Variants in PLXNA4 observed in about 807,000 individuals in gnomAD.
PLXNA4 encodes plexin-A4.
Under a neutral mutation model 191.8 loss-of-function variants are expected in PLXNA4, and 44 were observed. The ratio of observed to expected loss-of-function variants is 0.23; its 90% CI spans 0.18 to 0.29. PLXNA4 has a LOEUF of 0.29. PLXNA4 is among the 10% of genes least tolerant of loss of function. The probability of loss-of-function intolerance (pLI) is 1.00; values close to 1 mark genes in which losing one functional copy is unlikely to be tolerated. For synonymous variants in PLXNA4, 1,082 were observed against 1,009.5 expected, an observed-to-expected ratio of 1.07 and a Z score of -1.36; for missense variants, 1,800 against 2,488.8, an observed-to-expected ratio of 0.72 and a Z score of 5.89.
chr7:132,435,391 C>G (rs1042141100), intron 3 of PLXNA4, among the ~76,000 whole-genome samples: 10 of 152,120 alleles, frequency 6.6e-5, no homozygotes, highest in African/African-American at 2.2e-4. Flanking sequence ...AGACTGCAGC[C>G]TGTTCTAATC....
intron 3 of PLXNA4, among the ~76,000 whole-genome samples, chr7:132,447,608 G>T (rs1434173694): frequency 1.3e-5 from 2 of 152,106 alleles, no homozygotes; most frequent in Non-Finnish European, 2.9e-5. Flanking sequence ...TCTAAAATGG[G>T]ACTTAATAAT....
rs1459622527 is a variant in PLXNA4, at chr7:132,124,972, A to ATACTT, written c.*5502_*5506dup. On this transcript the variant is annotated 3_prime_UTR_variant, in exon 32 of 32. Transcript: ENST00000321063. ...TTCTCTTACAACCAAAAAATTCTAT[A>ATACTT]TACTTTTAAAACTTGGATACTCCCT... is the stretch of plus-strand genomic sequence containing the variant. 6.6e-6 allele frequency: 1 copy of ATACTT among 150,956 alleles called. No homozygotes were observed. Among genetic ancestry groups the ATACTT allele is most frequent in the Non-Finnish European group, 1.5e-5 (1 of 67,910 alleles). The allele number at this position is 150,956 out of a possible 1,614,324, so 9.4% of individuals were successfully genotyped here.
intron 10 of PLXNA4, among the ~76,000 whole-genome samples, chr7:132,204,742 C>A (rs540026867): frequency 3.9e-5 from 6 of 152,204 alleles, no homozygotes; most frequent in Non-Finnish European, 8.8e-5. Context: ...TGCCTCTGGG[C>A]AGGGACAGGT....
In PLXNA4 at chr7:132,514,250, A is replaced by G. The variant is rs189580268; in HGVS notation, c.-86-5471T>C. ...GTATTTTTAGTAGAGACGGGGTTTC[A>G]CCATGTTAGCCAGGATGGTCTCGAT... On this transcript the variant is annotated intron_variant, in intron 1 of 31. Coordinates refer to ENST00000321063, the MANE Select transcript of PLXNA4 (RefSeq NM_020911.2). Among the ~76,000 whole-genome samples, 731 of 151,410 alleles carry G rather than the reference A, an allele frequency of 4.8e-3. 1 individual carries two copies. Among genetic ancestry groups the G allele is most frequent in the Admixed American group, 8.5e-3 (129 of 15,226 alleles).
chr7:132,340,658 C>T (rs751091491), intron 3 of PLXNA4, among the ~76,000 whole-genome samples: 1 of 152,162 alleles, frequency 6.6e-6, no homozygotes, highest in Non-Finnish European at 1.5e-5. Flanking sequence ...AATAAAGAAC[C>T]TCTCTCTGCA....
rs1803015738 is a variant in PLXNA4, at chr7:132,610,019, GA to G, written c.-87+35908del. ...CCACCATCTGCCTGCTTGAACTAGT[GA>G]AACCAGGGTGAGTTGTAATTATGCC... On this transcript the variant is annotated intron_variant, in intron 2 of 4. Transcript: ENST00000378539. 3.9e-5 allele frequency among the ~76,000 whole-genome samples: 6 copies of G among 152,326 alleles called. 1 individual carries two copies. In the South Asian group the frequency reaches 1.2e-3, roughly 32 times the overall value.
At chr7:132,346,421 T>C (rs973264033) in intron 3 of PLXNA4, among the ~76,000 whole-genome samples, 3 of 152,320 alleles carry the variant, frequency 2.0e-5, no homozygotes, top group African/African-American at 7.2e-5. Flanking sequence ...GAAGCAAAAA[T>C]AAAACCCAGG....
intron 5 of PLXNA4, among the ~76,000 whole-genome samples, chr7:132,234,630 A>G (rs867955897): frequency 0.036 from 3,356 of 91,968 alleles, 50 homozygotes; most frequent in Middle Eastern, 0.083. Flanking sequence ...GTGTGTGTGT[A>G]TGTGTATTGG....
chr7:132,540,186 T>C (rs1800009111), intron 1 of PLXNA4, among the ~76,000 whole-genome samples: 1 of 152,142 alleles, frequency 6.6e-6, no homozygotes, highest in African/African-American at 2.4e-5. Flanking sequence ...ACCCAGAGTT[T>C]CGGAGCTATC....
chr7:132,182,982 CA>C (rs1260391502), intron 16 of PLXNA4, among the ~76,000 whole-genome samples: 1 of 152,162 alleles, frequency 6.6e-6, no homozygotes, highest in African/African-American at 2.4e-5. Context: ...CTGTGTCCTC[CA>C]GGGGGGCTAC....
intron 2 of PLXNA4, among the ~76,000 whole-genome samples, chr7:132,633,324 C>T (rs141029167): frequency 5.4e-4 from 81 of 150,860 alleles, no homozygotes; most frequent in African/African-American, 1.8e-3. Context: ...CACTCTATCA[C>T]CAGACTGGAG....
At chr7:132,420,107 T>G (rs1794799429) in intron 3 of PLXNA4, among the ~76,000 whole-genome samples, 1 of 152,064 alleles carries the variant, frequency 6.6e-6, no homozygotes, top group Non-Finnish European at 1.5e-5. Flanking sequence ...TAGGTGGGAG[T>G]GAGGGGATCC....
intron 4 of PLXNA4, among the ~76,000 whole-genome samples, chr7:132,293,225 C>T (rs978676082): frequency 2.0e-5 from 3 of 152,126 alleles, no homozygotes; most frequent in Non-Finnish European, 4.4e-5. Flanking sequence ...CTCATCTCTT[C>T]GCCTGTTGTA....
intron 1 of PLXNA4, among the ~76,000 whole-genome samples, chr7:132,522,905 A>C (rs1373687827): frequency 6.6e-6 from 1 of 152,168 alleles, no homozygotes; most frequent in Non-Finnish European, 1.5e-5. Context: ...AAGAGAGAAA[A>C]GCCTTCTGAC....
At chr7:132,428,312 GA>G (rs1010519850) in intron 3 of PLXNA4, among the ~76,000 whole-genome samples, 33 of 152,326 alleles carry the variant, frequency 2.2e-4, no homozygotes, top group African/African-American at 6.7e-4. Context: ...AAATCAGTGG[GA>G]AGTCCCTATG....
In PLXNA4 at chr7:132,436,905, A is replaced by C. The variant is rs376935340; in HGVS notation, c.1371+52387T>G. ...GCAGGCTGCTTCAGGGCTCCAGGAC[A>C]CTTGTACTATTGGCCAGCTCAGATG... On this transcript the variant is annotated intron_variant, in intron 3 of 31. Transcript: ENST00000321063. 1.1e-4 allele frequency among the ~76,000 whole-genome samples: 17 copies of C among 152,230 alleles called. No homozygotes were observed. The East Asian group carries it at 3.3e-3, about 29-fold the overall frequency.
At chr7:132,339,497 G>C (rs1445809390) in intron 3 of PLXNA4, among the ~76,000 whole-genome samples, 1 of 152,178 alleles carries the variant, frequency 6.6e-6, no homozygotes, top group East Asian at 1.9e-4. Flanking sequence ...CATTGAACTA[G>C]AGATTCCTTC....
chr7:132,349,947 TC>T (rs1803415992), intron 3 of PLXNA4, among the ~76,000 whole-genome samples: 1 of 152,054 alleles, frequency 6.6e-6, no homozygotes, highest in Middle Eastern at 3.4e-3. Flanking sequence ...CATTGTACCA[TC>T]CCAAAAATGG....
At chr7:132,452,413 G>C (rs1003281762) in intron 3 of PLXNA4, among the ~76,000 whole-genome samples, 8 of 152,210 alleles carry the variant, frequency 5.3e-5, no homozygotes, top group African/African-American at 1.9e-4. Flanking sequence ...TGTTAGCAGA[G>C]CTCAGAAGGC....
Sources: gnomAD v4.1 joint callset for allele counts (sites outside exome capture counted in the v4.1 genomes callset) on GRCh38, gnomAD v4.1.1 for gene constraint, MANE v1.5 for transcripts, NCBI Gene and HGNC (gene_info 2026-07-23, HGNC 2026-07-21) for gene names.